EXOC4: variants seen among roughly 807,000 people sequenced by gnomAD.
The protein encoded by EXOC4 is SEC8-like 1.
EXOC4 carries 71 observed loss-of-function variants against 107.2 expected under a neutral mutation model. The observed-to-expected ratio is 0.66, with a 90% confidence interval of 0.55 to 0.81. The LOEUF (loss-of-function observed/expected upper bound fraction) is 0.81. Ranked by LOEUF, EXOC4 falls within the 30% of genes least tolerant of loss-of-function variation. The pLI is 0.00. For synonymous variants in EXOC4, 456 were observed against 441.2 expected, an observed-to-expected ratio of 1.03 and a Z score of -0.42; for missense variants, 1,108 against 1,189.6, an observed-to-expected ratio of 0.93 and a Z score of 1.01.
chr7:133,257,362 ACACG>A (rs1476443391), intron 1 of EXOC4, among the ~76,000 whole-genome samples: 1 of 133,482 alleles, frequency 7.5e-6, no homozygotes, highest in Non-Finnish European at 1.6e-5. Flanking sequence ...TGGTTTACAC[ACACG>A]CACACACACA....
At chr7:133,830,005 A>G (rs1323626504) in intron 11 of EXOC4, among the ~76,000 whole-genome samples, 1 of 151,702 alleles carries the variant, frequency 6.6e-6, no homozygotes, top group Non-Finnish European at 1.5e-5. Flanking sequence ...CTTTATAGTT[A>G]CAGCTATTCC....
intron 10 of EXOC4, among the ~76,000 whole-genome samples, chr7:133,716,992 C>T (rs190520463): frequency 1.3e-3 from 191 of 152,118 alleles, no homozygotes; most frequent in Non-Finnish European, 2.2e-3. Flanking sequence ...TTCAATTGGC[C>T]ATAATTCATA....
intron 12 of EXOC4, among the ~76,000 whole-genome samples, chr7:133,917,128 A>C (rs1478571003): frequency 6.6e-6 from 1 of 152,218 alleles, no homozygotes; most frequent in Non-Finnish European, 1.5e-5. Flanking sequence ...AATACCCTCA[A>C]CTAGAACTAA....
chr7:133,773,903 G>T (rs1214130269), intron 10 of EXOC4, among the ~76,000 whole-genome samples: 2 of 152,008 alleles, frequency 1.3e-5, no homozygotes, highest in African/African-American at 4.8e-5. Flanking sequence ...TGGTGGTAGT[G>T]GTTTTAATCC....
chr7:134,015,404 C>G (rs1794880199), intron 17 of EXOC4, among the ~76,000 whole-genome samples: 1 of 152,120 alleles, frequency 6.6e-6, no homozygotes, highest in Admixed American at 6.5e-5. Flanking sequence ...TCAGTAAATA[C>G]TTGTGGGGTG....
intron 5 of EXOC4, among the ~76,000 whole-genome samples, chr7:133,355,937 C>T (rs1796011007): frequency 6.6e-6 from 1 of 152,154 alleles, no homozygotes; most frequent in African/African-American, 2.4e-5. Flanking sequence ...CCACTTTTAA[C>T]TAACAAATAC....
At chr7:133,638,184 G>T (rs895953070) in intron 10 of EXOC4, among the ~76,000 whole-genome samples, 1 of 152,100 alleles carries the variant, frequency 6.6e-6, no homozygotes, top group African/African-American at 2.4e-5. Flanking sequence ...CTAGTTGGTT[G>T]TATGTTTAGA....
At chr7:133,857,168 A>G (rs868235845) in intron 11 of EXOC4, among the ~76,000 whole-genome samples, 1 of 13,370 alleles carries the variant, frequency 7.5e-5, no homozygotes, top group Non-Finnish European at 1.2e-4. Flanking sequence ...ATATATATAT[A>G]TATATATATA....
At chr7:133,835,079 C>A (rs946513750) in intron 11 of EXOC4, among the ~76,000 whole-genome samples, 1 of 152,192 alleles carries the variant, frequency 6.6e-6, no homozygotes, top group African/African-American at 2.4e-5. Context: ...CCATGTGGAA[C>A]TGTAAATCCA....
At chr7:134,099,175 G>A in the EXOC4 span, among the ~76,000 whole-genome samples, 1 of 152,154 alleles carries the variant, frequency 6.6e-6, no homozygotes, top group South Asian at 2.1e-4. Flanking sequence ...AGTAAGGTGA[G>A]CCTCTAATCC....
chr7:133,721,220 A>G (rs1224046251), intron 10 of EXOC4, among the ~76,000 whole-genome samples: 4 of 152,178 alleles, frequency 2.6e-5, no homozygotes, highest in Non-Finnish European at 1.5e-5. Flanking sequence ...TTTATCAGCA[A>G]TGGCATTACC....
chr7:133,505,276 C>T (rs966876982), intron 9 of EXOC4, among the ~76,000 whole-genome samples: 18 of 152,234 alleles, frequency 1.2e-4, no homozygotes, highest in East Asian at 1.2e-3. Flanking sequence ...TTCCCAGGAA[C>T]CACAGTCCGA....
chr7:134,061,507 G>T (rs867138680), intron 17 of EXOC4, among the ~76,000 whole-genome samples: 3 of 152,046 alleles, frequency 2.0e-5, no homozygotes, highest in Non-Finnish European at 2.9e-5. Flanking sequence ...TTTCATAGGC[G>T]CCCCAAGGTA....
the EXOC4 span, among the ~76,000 whole-genome samples, chr7:134,090,658 C>G: frequency 6.4e-4 from 98 of 152,224 alleles, no homozygotes; most frequent in African/African-American, 2.3e-3. Context: ...CTCTAACATT[C>G]AGGCAGCCAC....
At chr7:133,472,229 A>G (rs1047270545) in intron 7 of EXOC4, among the ~76,000 whole-genome samples, 4 of 152,162 alleles carry the variant, frequency 2.6e-5, no homozygotes, top group African/African-American at 9.7e-5. Context: ...CAGTCTGTTG[A>G]TATTACGTGA....
At position 133,498,439 on chromosome 7, in the gene EXOC4, G is replaced by C. The variant is rs552732739; in HGVS notation, c.1417+18301G>C. On this transcript the variant is annotated intron_variant, in intron 9 of 17. Transcript: ENST00000253861. The stretch of plus-strand genomic sequence containing the variant: ...TCTCTACTAAAAATACAAAAAGTTA[G>C]CTGGGTGTGGTGGCAGGCACCTGTA... 6.6e-5 allele frequency among the ~76,000 whole-genome samples: 10 copies of C among 152,244 alleles called. No individual in the cohort carries two copies. In the South Asian group the frequency reaches 8.3e-4, roughly 13 times the overall value.
chr7:133,776,636 G>T (rs547925143), intron 10 of EXOC4, among the ~76,000 whole-genome samples: 21 of 152,230 alleles, frequency 1.4e-4, no homozygotes, highest in African/African-American at 5.1e-4. Context: ...ATTCATGTTT[G>T]ATTTGTACCC....
intron 9 of EXOC4, among the ~76,000 whole-genome samples, chr7:133,604,378 T>C (rs1454410147): frequency 6.6e-6 from 1 of 152,248 alleles, no homozygotes. Context: ...GCTATACTTT[T>C]ATATGACTGG....
At chr7:133,399,763 A>G (rs1381454208) in intron 7 of EXOC4, among the ~76,000 whole-genome samples, 2 of 152,226 alleles carry the variant, frequency 1.3e-5, no homozygotes, top group African/African-American at 4.8e-5. Flanking sequence ...GGGCTTAGAC[A>G]TAAGTGTAGG....
Sources: allele counts gnomAD v4.1 joint callset (sites outside exome capture counted in the v4.1 genomes callset), GRCh38; gene constraint gnomAD v4.1.1; transcripts MANE v1.5; gene names NCBI Gene and HGNC (gene_info 2026-07-23, HGNC 2026-07-21).